The following NCOR1 variants were observed in gnomAD, a reference collection of about 807,000 sequenced individuals.
NCOR1 encodes the protein nuclear receptor corepressor 1, also known as protein phosphatase 1, regulatory subunit 109.
In NCOR1, 63 loss-of-function variants were observed where a neutral mutation model predicts 288.1. That is an observed-to-expected ratio of 0.22 (90% CI 0.18 to 0.27). The LOEUF is 0.27. NCOR1 is among the 10% of genes least tolerant of loss of function. The probability of loss-of-function intolerance (pLI) is 1.00; values close to 1 mark genes in which losing one functional copy is unlikely to be tolerated. For missense variants in NCOR1, 2,397 were observed against 3,019.2 expected (o/e 0.79, Z 4.83); for synonymous variants, 1,007 against 1,065.9 (o/e 0.94, Z 1.08).
intron 22 of NCOR1, among the ~76,000 whole-genome samples, chr17:16,088,504 T>C (rs2064613486): frequency 1.3e-5 from 2 of 152,214 alleles, no homozygotes; most frequent in Admixed American, 1.3e-4. Flanking sequence ...CAGTTGATTC[T>C]TTTAGGCTTT....
intron 5 of NCOR1, among the ~76,000 whole-genome samples, chr17:16,164,400 G>A (rs2081570454): frequency 6.6e-6 from 1 of 151,994 alleles, no homozygotes; most frequent in Non-Finnish European, 1.5e-5. Context: ...GACAAAATAG[G>A]AGACTATAGA....
intron 11 of NCOR1, among the ~76,000 whole-genome samples, 179 bp from the exon 12 acceptor site, chr17:16,139,365 T>C (rs1354443187): frequency 6.6e-6 from 1 of 152,226 alleles, no homozygotes; most frequent in Non-Finnish European, 1.5e-5. Context: ...ATATTCACTG[T>C]ATGAATTACA....
chr17:16,182,593 T>C (rs533779171), intron 3 of NCOR1, among the ~76,000 whole-genome samples: 97 of 152,314 alleles, frequency 6.4e-4, no homozygotes, highest in African/African-American at 2.2e-3. Flanking sequence ...TAGCTGGGAC[T>C]ATAGGTGCCC....
chr17:16,067,967 T>C lies in NCOR1; in HGVS notation c.4668A>G (p.Ala1556=). ...GCAGGTGGCTCCGATAAACCTCGCC[T>C]GCAGTGCTGCCTCTGTGATGGGGAT... The part of the protein sequence containing the change: ...PFDPHHRGST[A]GEVYRSHLPT... The change falls in exon 32 of 46, where the codon GCA becomes GCG. Residue 1556 remains alanine, a synonymous_variant. Transcript: ENST00000268712. 1 of 1,614,236 alleles carries C rather than the reference T, an allele frequency of 6.2e-7. No individual in the cohort carries two copies. The highest frequency in any genetic ancestry group is 8.5e-7 in the Non-Finnish European group (1 of 1,180,026).
intron 35 of NCOR1, among the ~76,000 whole-genome samples, chr17:16,063,215 C>G (rs1284425413): frequency 6.6e-6 from 1 of 152,146 alleles, no homozygotes; most frequent in Non-Finnish European, 1.5e-5. Context: ...GCATCACACT[C>G]TGTCACCCAG....
At chr17:16,128,382 C>T (rs2075081115) in intron 14 of NCOR1, among the ~76,000 whole-genome samples, 1 of 152,176 alleles carries the variant, frequency 6.6e-6, no homozygotes, top group Admixed American at 6.5e-5. Flanking sequence ...CTCTCCACCA[C>T]AGACCACACC....
chr17:16,131,536 T>G (rs2075637220), intron 14 of NCOR1, among the ~76,000 whole-genome samples: 1 of 152,140 alleles, frequency 6.6e-6, no homozygotes, highest in Non-Finnish European at 1.5e-5. Context: ...AGAAAATAAG[T>G]TGCCAAAAAA....
intron 10 of NCOR1, among the ~76,000 whole-genome samples, chr17:16,144,876 C>T (rs1194832623): frequency 6.6e-6 from 1 of 151,208 alleles, no homozygotes; most frequent in Non-Finnish European, 1.5e-5. Context: ...ATGATCTCCT[C>T]CCTCTCCCCT....
chr17:16,101,156 T>A (rs1386501945), intron 20 of NCOR1, 94 bp downstream of exon 20: 1 of 1,314,400 alleles, frequency 7.6e-7, no homozygotes, highest in Non-Finnish European at 1.0e-6. Context: ...TGCCAATATT[T>A]ACATAGGAGA....
Position 16,039,674 on chromosome 17 carries a change from A to T in NCOR1, c.6734-20T>A. ...CTGAGCCTGAAAGAGAATCAAAAAC[A>T]TTTCCACTTATTTCTGAAAGGCCAA... On this transcript the variant is annotated intron_variant, in intron 43 of 45. Coordinates refer to ENST00000268712, the MANE Select transcript of NCOR1 (RefSeq NM_006311.4). 1 of 1,590,702 alleles carries T rather than the reference A, an allele frequency of 6.3e-7. No individual in the cohort carries two copies. Among genetic ancestry groups the T allele is most frequent in the Non-Finnish European group, 8.6e-7 (1 of 1,165,228 alleles).
At chr17:16,067,719 T>C (rs1444756103) in intron 32 of NCOR1, among the ~76,000 whole-genome samples, 175 bp downstream of exon 32, 1 of 152,242 alleles carries the variant, frequency 6.6e-6, no homozygotes, top group Non-Finnish European at 1.5e-5. Flanking sequence ...GCTGATAAGA[T>C]TTTATTTCTT....
intron 21 of NCOR1, among the ~76,000 whole-genome samples, chr17:16,096,940 T>A (rs1399636502): frequency 6.6e-6 from 1 of 152,254 alleles, no homozygotes; most frequent in Non-Finnish European, 1.5e-5. Context: ...TGGAGTATTA[T>A]TCAGCCTTTA....
rs1483473058 is a variant in NCOR1, at chr17:16,061,812, G to A, written c.5470C>T (p.Leu1824Phe). 2 of 1,614,214 alleles carry A rather than the reference G, an allele frequency of 1.2e-6. No homozygotes were observed. The highest frequency in any genetic ancestry group is 1.7e-6 in the Non-Finnish European group (2 of 1,180,040). The change falls in exon 37 of 46, where the codon CTT becomes TTT. Residue 1824 changes from leucine (L) to phenylalanine (F), a missense_variant. Physicochemically the swap from Leu to Phe is conservative, Grantham distance 22. This residue lies in a region of NCOR1 where 1,872 missense variants were observed against 2,187.8 expected (regional missense o/e 0.86). Coordinates refer to ENST00000268712, the MANE Select transcript of NCOR1 (RefSeq NM_006311.4). ...GGTGCAGAAGCTGCAGCATCCACAA[G>A]AGCAGCCAGGGCATCCGCAGCAGTG... ...YNTAADALAA[L>F]VDAAASAPQM... is the part of the protein sequence containing the mutation.
At chr17:16,118,598 TAAAC>T (rs1326087754) in intron 17 of NCOR1, among the ~76,000 whole-genome samples, 1 of 152,068 alleles carries the variant, frequency 6.6e-6, no homozygotes, top group Non-Finnish European at 1.5e-5. Flanking sequence ...TGCACACACA[TAAAC>T]ACACACATAC....
intron 40 of NCOR1, among the ~76,000 whole-genome samples, chr17:16,052,191 T>TC (rs1491296367): frequency 2.7e-5 from 4 of 149,774 alleles, no homozygotes; most frequent in African/African-American, 1.0e-4. Context: ...TTTTTGTATT[T>TC]CTTTTTTTTT....
intron 4 of NCOR1, among the ~76,000 whole-genome samples, chr17:16,166,354 G>C (rs1388439415): frequency 6.6e-6 from 1 of 152,060 alleles, no homozygotes; most frequent in African/African-American, 2.4e-5. Flanking sequence ...GAGGTCATTG[G>C]CTTCCAAAAT....
intron 22 of NCOR1, among the ~76,000 whole-genome samples, chr17:16,090,417 T>C (rs2064989960): frequency 6.6e-6 from 1 of 152,168 alleles, no homozygotes. Flanking sequence ...AATTCGAATG[T>C]TCAAAAGACA....
At chr17:16,067,053 T>G (rs1427533635) in intron 32 of NCOR1, among the ~76,000 whole-genome samples, 1 of 152,204 alleles carries the variant, frequency 6.6e-6, no homozygotes, top group Non-Finnish European at 1.5e-5. Flanking sequence ...GAGGACAAGG[T>G]GCAGCCGGTG....
intron 26 of NCOR1, among the ~76,000 whole-genome samples, chr17:16,078,602 G>A (rs1265366045): frequency 1.3e-5 from 2 of 151,084 alleles, no homozygotes; most frequent in African/African-American, 4.9e-5. Context: ...TTGAGACGGA[G>A]TCTCACTCTG....
Sources: gnomAD v4.1 joint callset for allele counts (sites outside exome capture counted in the v4.1 genomes callset) on GRCh38, gnomAD v4.1.1 for gene constraint, gnomAD v4.1.1 regional missense constraint, MANE v1.5 for transcripts, NCBI Gene and HGNC (gene_info 2026-07-23, HGNC 2026-07-21) for gene names.